NCKAP1: variants seen among roughly 807,000 people sequenced by gnomAD.
The protein encoded by NCKAP1 is nck-associated protein 1.
NCKAP1 carries 21 observed loss-of-function variants against 151.2 expected under a neutral mutation model. That is an observed-to-expected ratio of 0.14 (90% CI 0.10 to 0.20). NCKAP1 has a LOEUF of 0.20. Among genes scored for constraint, NCKAP1 ranks in the 10% least tolerant of loss-of-function variants. The pLI, the probability that NCKAP1 is intolerant of heterozygous loss-of-function variation, is 1.00. For missense variants in NCKAP1, 933 were observed against 1,352.1 expected, an observed-to-expected ratio of 0.69 and a Z score of 4.86; for synonymous variants, 484 against 451.8, an observed-to-expected ratio of 1.07 and a Z score of -0.90.
Position 182,942,110 on chromosome 2 carries a change from G to A in NCKAP1, c.2655C>T (p.Asp885=). The change falls in exon 24 of 31, where the codon GAC becomes GAT. Residue 885 remains aspartate (D), a synonymous_variant. Coordinates refer to ENST00000361354, the MANE Select transcript of NCKAP1 (RefSeq NM_013436.5). ...DVLTQMRTSF[D]KPDQMAALFK... ...ACAGTGCAGCCATCTGGTCTGGTTTGTCAAAGCTGGTCCTCATTTGTGTTA... is the reference window on the plus strand; with the variant it reads ...ACAGTGCAGCCATCTGGTCTGGTTTATCAAAGCTGGTCCTCATTTGTGTTA... 6.2e-7 allele frequency: 1 copy of A among 1,613,372 alleles called. No individual in the cohort carries two copies. The highest frequency in any genetic ancestry group is 8.5e-7 in the Non-Finnish European group (1 of 1,179,546).
chr2:182,958,563 T>C (rs1697373198), intron 18 of NCKAP1, among the ~76,000 whole-genome samples: 2 of 152,006 alleles, frequency 1.3e-5, no homozygotes, highest in South Asian at 2.1e-4. Flanking sequence ...GGATATGAAA[T>C]AGGCAAGTGT....
At chr2:182,994,922 G>A in intron 7 of NCKAP1, 35 bp from the exon 8 acceptor site, 1 of 1,537,210 alleles carries the variant, frequency 6.5e-7, no homozygotes, top group South Asian at 1.1e-5. Context: ...GCAGTTAAAA[G>A]AAATTCTAAA....
At chr2:183,016,819 G>A (rs532078617) in intron 2 of NCKAP1, among the ~76,000 whole-genome samples, 42 of 152,304 alleles carry the variant, frequency 2.8e-4, no homozygotes, top group African/African-American at 9.6e-4. Flanking sequence ...GAGGGCGAAA[G>A]TAGGAGAGAT....
chr2:182,946,128 A>G (rs1697098126), intron 23 of NCKAP1, among the ~76,000 whole-genome samples: 2 of 152,200 alleles, frequency 1.3e-5, no homozygotes, highest in Admixed American at 1.3e-4. Flanking sequence ...TAGATAGTGC[A>G]GTGGCTCACG....
chr2:182,962,381 C>T lies in NCKAP1; in HGVS notation c.1762-103G>A, dbSNP rs544380204. The T allele has an allele frequency of 4.3e-5, 48 of 1,122,170 alleles. No homozygotes were observed. The African/African-American group carries it at 5.3e-4, about 12-fold the overall frequency. 69.5% of individuals were successfully genotyped at this position (1,122,170 alleles called of 1,614,324 possible). ...GGAAAATTAGGCTAAAGGTACATTC[C>T]GCAATAGTGAGGGTGGGAGATGTTA... On this transcript the variant is annotated intron_variant, in intron 17 of 30. Transcript: ENST00000361354.
intron 23 of NCKAP1, among the ~76,000 whole-genome samples, chr2:182,946,346 G>A (rs766564830): frequency 2.6e-5 from 4 of 152,018 alleles, no homozygotes; most frequent in African/African-American, 4.8e-5. Context: ...CTTGCAGTGA[G>A]CCGAGATCAC....
chr2:182,937,614 A>C (rs1696904814), intron 24 of NCKAP1, among the ~76,000 whole-genome samples: 1 of 152,178 alleles, frequency 6.6e-6, no homozygotes, highest in South Asian at 2.1e-4. Flanking sequence ...GTTATACGAA[A>C]AGAATTCTAT....
chr2:182,928,950 T>C, intron 27 of NCKAP1, 51 bp from the exon 28 acceptor site: 1 of 1,182,110 alleles, frequency 8.5e-7, no homozygotes. Flanking sequence ...CAAGATTAGT[T>C]AAGATTTGAT....
At chr2:183,030,730 G>A (rs981396788) in intron 1 of NCKAP1, among the ~76,000 whole-genome samples, 2 of 152,098 alleles carry the variant, frequency 1.3e-5, no homozygotes, top group African/African-American at 4.8e-5. Context: ...AAGAATAGAC[G>A]TTACCTGAAA....
Position 182,922,163 on chromosome 2 carries a change from G to A in NCKAP1, c.*3539C>T, listed in dbSNP as rs1176675582. The A allele has an allele frequency of 6.6e-6, 1 of 152,204 alleles. No homozygotes were observed. Among genetic ancestry groups the A allele is most frequent in the Non-Finnish European group, 1.5e-5 (1 of 68,030 alleles). The allele number at this position is 152,204 out of a possible 1,614,324, so 9.4% of individuals were successfully genotyped here. A position where few individuals can be genotyped will look rare whatever the true frequency, so the allele number is the denominator to read the frequency against. On this transcript the variant is annotated 3_prime_UTR_variant, in exon 31 of 31. Transcript: ENST00000361354. ...CAAAAGTCTTAGGAATAATACAGGTGAAGTCTCAGAAAGGCAAGTCCTTAT... is the reference window on the plus strand; with the variant it reads ...CAAAAGTCTTAGGAATAATACAGGTAAAGTCTCAGAAAGGCAAGTCCTTAT...
At chr2:182,930,857 T>A in intron 26 of NCKAP1, 69 bp from the exon 27 acceptor site, 1 of 1,356,478 alleles carries the variant, frequency 7.4e-7, no homozygotes, top group Non-Finnish European at 1.0e-6. Context: ...TCACTGTTTA[T>A]TAGAGTCTGC....
intron 23 of NCKAP1, among the ~76,000 whole-genome samples, chr2:182,948,188 C>G (rs1170300880): frequency 6.6e-6 from 1 of 151,292 alleles, no homozygotes; most frequent in Non-Finnish European, 1.5e-5. Flanking sequence ...ATTTGAGAAG[C>G]AAAAAAGTAA....
rs1026902882 is a variant in NCKAP1 at position 183,034,385 on chromosome 2, T to G, written c.108+3607A>C. 3.7e-4 allele frequency among the ~76,000 whole-genome samples: 11 copies of G among 29,608 alleles called. No homozygotes were observed. In the Admixed American group the frequency reaches 4.1e-3, roughly 11 times the overall value. 19.4% of individuals were successfully genotyped at this position (29,608 alleles called of 152,430 possible). On this transcript the variant is annotated intron_variant, in intron 1 of 30. Transcript: ENST00000361354. ...AAAGTTTGTAATAGTTGTATGGGTT[T>G]TTTTTTTTTTCTCATTCTCTGACCT...
intron 17 of NCKAP1, among the ~76,000 whole-genome samples, chr2:182,964,168 C>T (rs1173037484): frequency 6.6e-6 from 1 of 152,090 alleles, no homozygotes; most frequent in Non-Finnish European, 1.5e-5. Flanking sequence ...AACTACCAAG[C>T]AGTTCAATTA....
At position 183,003,218 on chromosome 2, in the gene NCKAP1, T is replaced by C. The variant is rs1346810148; in HGVS notation, c.312+15A>G. On this transcript the variant is annotated intron_variant, in intron 3 of 30. Transcript: ENST00000361354. ...TACTTCTGAAGTGTTAAATATTATATATTAAAATACATACCTTAAATTCCA... is the reference window on the plus strand; with the variant it reads ...TACTTCTGAAGTGTTAAATATTATACATTAAAATACATACCTTAAATTCCA... 8 of 1,400,766 alleles carry C rather than the reference T, an allele frequency of 5.7e-6. No homozygotes were observed. Among genetic ancestry groups the C allele is most frequent in the South Asian group, 5.2e-5 (4 of 77,168 alleles). 86.8% of individuals were successfully genotyped at this position (1,400,766 alleles called of 1,614,324 possible).
chr2:182,951,645 A>C (rs1457154234), intron 23 of NCKAP1, among the ~76,000 whole-genome samples: 1 of 150,900 alleles, frequency 6.6e-6, no homozygotes, highest in East Asian at 1.9e-4. Context: ...TCAAAAAAAA[A>C]AAAAAAACAA....
chr2:182,982,604 C>T lies in NCKAP1; in HGVS notation c.1208+217G>A, dbSNP rs114977015. Reference sequence around the variant, plus strand: ...CTATACTCTTCAGTGTACTATGTTGCCAGATAATTTTGCCCAACTGTAGGC... The same window carrying T: ...CTATACTCTTCAGTGTACTATGTTGTCAGATAATTTTGCCCAACTGTAGGC... On this transcript the variant is annotated intron_variant, in intron 12 of 30. Coordinates refer to ENST00000361354, the MANE Select transcript of NCKAP1 (RefSeq NM_013436.5). Among the ~76,000 whole-genome samples, 1,321 of 152,178 alleles carry T rather than the reference C, an allele frequency of 8.7e-3. 19 individuals are homozygous for T. Among genetic ancestry groups the T allele is most frequent in the African/African-American group, 0.03 (1,236 of 41,528 alleles).
intron 16 of NCKAP1, among the ~76,000 whole-genome samples, chr2:182,966,572 C>T (rs899285542): frequency 4.6e-5 from 7 of 152,174 alleles, no homozygotes; most frequent in African/African-American, 1.7e-4. Context: ...AGGCGTGAGC[C>T]ACCGCGCCTG....
intron 23 of NCKAP1, among the ~76,000 whole-genome samples, chr2:182,944,218 T>C (rs1033865366): frequency 5.3e-5 from 8 of 152,118 alleles, no homozygotes; most frequent in African/African-American, 1.7e-4. Flanking sequence ...GCAGTAATAA[T>C]AGGAATTACC....
Sources: gnomAD v4.1 joint callset for allele counts (sites outside exome capture counted in the v4.1 genomes callset) on GRCh38, gnomAD v4.1.1 for gene constraint, MANE v1.5 for transcripts, NCBI Gene and HGNC (gene_info 2026-07-23, HGNC 2026-07-21) for gene names.